Variants in CFAP45 observed in about 807,000 individuals in gnomAD.
The protein encoded by CFAP45 is cilia and flagella associated protein 45.
In CFAP45, 43 loss-of-function variants were observed where a neutral mutation model predicts 75.6. That is an observed-to-expected ratio of 0.57 (90% confidence interval 0.45 to 0.73). CFAP45 has a LOEUF of 0.73. Ranked by LOEUF, CFAP45 falls within the 30% of genes least tolerant of loss-of-function variation. The pLI is 0.00. For synonymous variants in CFAP45, 223 were observed against 244.6 expected (o/e 0.91, Z 0.82); for missense variants, 689 against 701.5 (o/e 0.98, Z 0.20).
At chr1:159,884,702 C>G in intron 6 of CFAP45, 137 bp from the exon 7 acceptor site, 1 of 873,670 alleles carries the variant, frequency 1.1e-6, no homozygotes, top group Non-Finnish European at 1.7e-6. Flanking sequence ...CATGAATATG[C>G]TTCATGAGCC....
At chr1:159,883,288 CTGAATGAA>C (rs145427366) in intron 7 of CFAP45, among the ~76,000 whole-genome samples, 35 of 151,174 alleles carry the variant, frequency 2.3e-4, no homozygotes, top group African/African-American at 7.8e-4. Flanking sequence ...GAATGAAGAA[CTGAATGAA>C]TGAATGAATG....
intron 1 of CFAP45, among the ~76,000 whole-genome samples, chr1:159,898,908 G>C (rs1650009392): frequency 6.6e-6 from 1 of 152,160 alleles, no homozygotes; most frequent in Non-Finnish European, 1.5e-5. Context: ...CTCTTTGTTG[G>C]AGACTTATTT....
chr1:159,883,453 C>T (rs1377299647), intron 7 of CFAP45, among the ~76,000 whole-genome samples: 1 of 152,116 alleles, frequency 6.6e-6, no homozygotes, highest in Non-Finnish European at 1.5e-5. Flanking sequence ...TGTGGATTAA[C>T]TATTAGATGA....
At chr1:159,880,528 A>C in intron 8 of CFAP45, 26 bp downstream of exon 8, 1 of 1,606,112 alleles carries the variant, frequency 6.2e-7, no homozygotes, top group Non-Finnish European at 8.5e-7. Context: ...ATTCCTAACC[A>C]AAGGTCCCAG....
chr1:159,889,899 G>A (rs944177469), intron 3 of CFAP45, among the ~76,000 whole-genome samples: 8 of 152,244 alleles, frequency 5.3e-5, no homozygotes, highest in African/African-American at 1.9e-4. Flanking sequence ...TGAGCACAGT[G>A]TTGGCTCATG....
chr1:159,874,235 A>G (rs1033730763), intron 10 of CFAP45, among the ~76,000 whole-genome samples: 2 of 152,152 alleles, frequency 1.3e-5, no homozygotes, highest in African/African-American at 4.8e-5. Context: ...CTTAGGCAGG[A>G]ATTTCTCACC....
intron 1 of CFAP45, among the ~76,000 whole-genome samples, chr1:159,893,623 G>A (rs941041993): frequency 6.6e-6 from 1 of 152,128 alleles, no homozygotes; most frequent in Non-Finnish European, 1.5e-5. Flanking sequence ...GGAGGGGCAT[G>A]GGGAGAGGTT....
intron 4 of CFAP45, 73 bp from the exon 5 acceptor site, chr1:159,888,084 C>A: frequency 6.6e-7 from 1 of 1,511,650 alleles, no homozygotes; most frequent in South Asian, 1.2e-5. Context: ...GCCTGGCTAC[C>A]ACAGGTGACC....
chr1:159,897,033 G>A (rs1649966606), intron 1 of CFAP45, among the ~76,000 whole-genome samples: 1 of 152,180 alleles, frequency 6.6e-6, no homozygotes, highest in African/African-American at 2.4e-5. Context: ...GGAGGCCAAG[G>A]TGGGTGGATC....
Position 159,872,409 on chromosome 1 carries a change from A to C in CFAP45, c.*76T>G. 9.3e-7 allele frequency: 1 copy of C among 1,080,716 alleles called. No individual in the cohort carries two copies. Among genetic ancestry groups the C allele is most frequent in the Non-Finnish European group, 1.4e-6 (1 of 694,492 alleles). The allele number at this position is 1,080,716 out of a possible 1,614,324, so 66.9% of individuals were successfully genotyped here. A position where few individuals can be genotyped will look rare whatever the true frequency, so the allele number is the denominator to read the frequency against. ...TCTGTAACTATGAAATGTCTAGGTT[A>C]GCAGCAATTATGGATGCCCAGAGAC... is the stretch of plus-strand genomic sequence containing the variant. On this transcript the variant is annotated 3_prime_UTR_variant, in exon 12 of 12. Coordinates refer to ENST00000368099, the MANE Select transcript of CFAP45 (RefSeq NM_012337.3).
intron 7 of CFAP45, among the ~76,000 whole-genome samples, chr1:159,881,009 C>T (rs1231207512): frequency 6.6e-6 from 1 of 152,204 alleles, no homozygotes; most frequent in Non-Finnish European, 1.5e-5. Context: ...TTGCTAAATC[C>T]TACCCCTGTG....
At chr1:159,894,294 G>C (rs938330357) in intron 1 of CFAP45, among the ~76,000 whole-genome samples, 3 of 152,210 alleles carry the variant, frequency 2.0e-5, no homozygotes, top group African/African-American at 7.2e-5. Context: ...TTCCCAAGAG[G>C]ACAATCTCTT....
chr1:159,879,951 T>C (rs1253715861), intron 8 of CFAP45, among the ~76,000 whole-genome samples: 1 of 152,212 alleles, frequency 6.6e-6, no homozygotes, highest in Non-Finnish European at 1.5e-5. Context: ...AAAGCCTTCT[T>C]CTACTCTCCA....
intron 6 of CFAP45, among the ~76,000 whole-genome samples, chr1:159,884,774 T>C (rs555861193): frequency 6.6e-6 from 1 of 152,174 alleles, no homozygotes; most frequent in African/African-American, 2.4e-5. Flanking sequence ...CCTGAGCTCC[T>C]GGTTCCAGGG....
At chr1:159,880,209 G>C (rs981092447) in intron 8 of CFAP45, among the ~76,000 whole-genome samples, 1 of 152,138 alleles carries the variant, frequency 6.6e-6, no homozygotes, top group Admixed American at 6.5e-5. Flanking sequence ...CATGATTACC[G>C]GGGGTATAAT....
intron 7 of CFAP45, among the ~76,000 whole-genome samples, chr1:159,882,575 T>A (rs1400819759): frequency 6.6e-6 from 1 of 151,914 alleles, no homozygotes; most frequent in Non-Finnish European, 1.5e-5. Flanking sequence ...CGTACCACCA[T>A]GAGATGATAC....
At chr1:159,875,212 A>G (rs1197499816) in intron 10 of CFAP45, among the ~76,000 whole-genome samples, 1 of 152,366 alleles carries the variant, frequency 6.6e-6, no homozygotes, top group Non-Finnish European at 1.5e-5. Context: ...CTTAAATTTC[A>G]TTTCATTAAT....
intron 3 of CFAP45, among the ~76,000 whole-genome samples, 200 bp downstream of exon 3, chr1:159,890,280 G>T (rs1385449757): frequency 6.6e-6 from 1 of 152,200 alleles, no homozygotes; most frequent in Non-Finnish European, 1.5e-5. Flanking sequence ...GGCAATAATA[G>T]ATACAACAAT....
Position 159,890,536 on chromosome 1 carries a change from C to A in CFAP45, c.216G>T (p.Leu72Phe), listed in dbSNP as rs1649800679. 6.2e-7 allele frequency: 1 copy of A among 1,613,972 alleles called. No individual in the cohort carries two copies. The highest frequency in any genetic ancestry group is 1.3e-5 in the African/African-American group (1 of 74,890). The change falls in exon 3 of 12, where the codon TTG (leucine) becomes TTT (phenylalanine). Residue 72 changes from leucine (L) to phenylalanine (F), a missense_variant. Coordinates refer to ENST00000368099, the MANE Select transcript of CFAP45 (RefSeq NM_012337.3). The stretch of plus-strand genomic sequence containing the variant: ...GCTGGATGGTCTCTGGCTTGCGATC[C>A]AAGCCCAAAGCAGTGAGAGTTTTTT... Reference protein sequence around the residue: ...TLQKTLTALGLDRKPETIQLI... With the variant: ...TLQKTLTALGFDRKPETIQLI...
Sources: gnomAD v4.1 joint callset for allele counts (sites outside exome capture counted in the v4.1 genomes callset) on GRCh38, gnomAD v4.1.1 for gene constraint, MANE v1.5 for transcripts, NCBI Gene and HGNC (gene_info 2026-07-23, HGNC 2026-07-21) for gene names.